Variants in MRPS28 observed in about 807,000 individuals in gnomAD.
The protein encoded by MRPS28 is mitochondrial ribosomal protein S28, also known as small ribosomal subunit protein bS1m.
In MRPS28, 7 loss-of-function variants were observed where a neutral mutation model predicts 10.8. That is an observed-to-expected ratio of 0.65 (90% CI 0.37 to 1.22). The LOEUF (loss-of-function observed/expected upper bound fraction) is 1.22. MRPS28 is among the 50% of genes most tolerant of loss of function. MRPS28 has a pLI of 0.02. For missense variants in MRPS28, 265 were observed against 232.9 expected (o/e 1.14, Z -0.90); for synonymous variants, 121 against 93.3 (o/e 1.30, Z -1.71).
intron 2 of MRPS28, among the ~76,000 whole-genome samples, chr8:79,988,167 C>T (rs1808248420): frequency 6.7e-6 from 1 of 149,434 alleles, no homozygotes; most frequent in Non-Finnish European, 1.5e-5. Flanking sequence ...TAAACTATCG[C>T]AAGAACAAAA....
intron 2 of MRPS28, among the ~76,000 whole-genome samples, chr8:79,937,642 A>T (rs28708535): frequency 0.021 from 3,218 of 152,302 alleles, 108 homozygotes; most frequent in African/African-American, 0.073. Context: ...CAAAATAATG[A>T]AGTTTTTATT....
intron 2 of MRPS28, among the ~76,000 whole-genome samples, chr8:79,921,415 C>A (rs1334126484): frequency 6.6e-6 from 1 of 151,838 alleles, no homozygotes; most frequent in African/African-American, 2.4e-5. Context: ...ATTCTTCCTA[C>A]CCATGAGCAT....
At chr8:79,948,673 CATGA>C (rs1229741299) in intron 2 of MRPS28, among the ~76,000 whole-genome samples, 3 of 152,102 alleles carry the variant, frequency 2.0e-5, no homozygotes, top group Non-Finnish European at 4.4e-5. Flanking sequence ...AATTGTTTCT[CATGA>C]ATGAACACTG....
intron 2 of MRPS28, among the ~76,000 whole-genome samples, chr8:79,961,539 A>G (rs1806386280): frequency 6.6e-6 from 1 of 152,156 alleles, no homozygotes; most frequent in South Asian, 2.1e-4. Context: ...TTTATAGGAA[A>G]ATAACACCAA....
intron 2 of MRPS28, among the ~76,000 whole-genome samples, chr8:79,968,577 C>T (rs1213276171): frequency 6.6e-6 from 1 of 152,142 alleles, no homozygotes; most frequent in Non-Finnish European, 1.5e-5. Context: ...CTAGTCTCAG[C>T]CCCTGCAACT....
chr8:80,000,404 A>G (rs1044440732), intron 2 of MRPS28, among the ~76,000 whole-genome samples: 4 of 152,200 alleles, frequency 2.6e-5, no homozygotes, highest in Non-Finnish European at 4.4e-5. Context: ...AGTACCTTTA[A>G]AAAGACTCTA....
intron 1 of MRPS28, among the ~76,000 whole-genome samples, chr8:80,011,165 A>C (rs1809036767): frequency 6.9e-6 from 1 of 144,864 alleles, no homozygotes; most frequent in Admixed American, 7.1e-5. Context: ...GCCATTCTTG[A>C]CAAGAGCAGC....
rs1216653623 is a variant in MRPS28, at chr8:79,919,145, T to C, written c.399A>G (p.Lys133=). Residue 133 remains lysine, a synonymous_variant, in exon 3 of 3, where the codon AAA becomes AAG. Transcript: ENST00000276585. ...VCRRPEVDGE[K]YQKGTRVRLR... is the part of the protein sequence containing the mutation. Reference sequence around the variant, plus strand: ...ACCGGACCCTGGTTCCTTTCTGGTATTTCCTAAATAGTTAAAAAAAAAAAA... The same window carrying C: ...ACCGGACCCTGGTTCCTTTCTGGTACTTCCTAAATAGTTAAAAAAAAAAAA... 3.8e-6 allele frequency: 6 copies of C among 1,566,806 alleles called. No individual in the cohort carries two copies. The highest frequency in any genetic ancestry group is 1.2e-5 in the South Asian group (1 of 83,152).
intron 1 of MRPS28, among the ~76,000 whole-genome samples, chr8:80,017,497 C>A (rs1053630602): frequency 6.6e-6 from 1 of 152,130 alleles, no homozygotes; most frequent in Non-Finnish European, 1.5e-5. Context: ...ATTTGATAAC[C>A]TAAATTAAAT....
intron 2 of MRPS28, among the ~76,000 whole-genome samples, chr8:79,993,812 C>T (rs918843426): frequency 9.9e-5 from 15 of 152,106 alleles, no homozygotes; most frequent in African/African-American, 3.6e-4. Context: ...ACCAATACAC[C>T]TTGAAAACTT....
Position 79,946,306 on chromosome 8 carries a change from C to T in MRPS28, c.396-27158G>A, listed in dbSNP as rs1371117690. On this transcript the variant is annotated intron_variant, in intron 2 of 2. Transcript: ENST00000276585. ...AATCATCCATCTGATAATCAGTACT[C>T]TTAAATAACTATTAATGTGTATATA... Among the ~76,000 whole-genome samples, 7 of 152,134 alleles carry T rather than the reference C, an allele frequency of 4.6e-5. No homozygotes were observed. In the South Asian group the frequency reaches 1.5e-3, roughly 32 times the overall value.
At chr8:80,007,152 C>G (rs950410857) in intron 1 of MRPS28, among the ~76,000 whole-genome samples, 6 of 152,162 alleles carry the variant, frequency 3.9e-5, no homozygotes, top group Admixed American at 2.6e-4. Flanking sequence ...AGCACATAAA[C>G]AGAACCAAAG....
At chr8:79,990,601 T>C (rs1026915959) in intron 2 of MRPS28, among the ~76,000 whole-genome samples, 2 of 149,560 alleles carry the variant, frequency 1.3e-5, no homozygotes, top group African/African-American at 5.0e-5. Context: ...CATGGAATCT[T>C]GACCACTGTG....
At chr8:79,947,133 T>C (rs972946211) in intron 2 of MRPS28, among the ~76,000 whole-genome samples, 2 of 152,158 alleles carry the variant, frequency 1.3e-5, no homozygotes, top group African/African-American at 2.4e-5. Flanking sequence ...AGTCTTTATA[T>C]ACGCAAGCAA....
chr8:79,946,810 GT>G (rs1466965197), intron 2 of MRPS28, among the ~76,000 whole-genome samples: 2 of 152,054 alleles, frequency 1.3e-5, no homozygotes, highest in African/African-American at 4.8e-5. Context: ...AATAACAAGC[GT>G]TTGTATTTTA....
At chr8:80,024,169 CAGTGAGCCA>C (rs1263958971) in intron 1 of MRPS28, among the ~76,000 whole-genome samples, 4 of 151,670 alleles carry the variant, frequency 2.6e-5, no homozygotes, top group Non-Finnish European at 5.9e-5. Context: ...AGAGAGGTTG[CAGTGAGCCA>C]AGTTTGCACC....
rs114476824 is a variant in MRPS28 at position 79,958,023 on chromosome 8, C to T, written c.396-38875G>A. On this transcript the variant is annotated intron_variant, in intron 2 of 2. Transcript: ENST00000276585. The stretch of plus-strand genomic sequence containing the variant: ...AACAGCTTTATTGAGATATAATTCA[C>T]ATATCATAAAATCTACCCAAAGTGT... 934 of 182,400 alleles carry T rather than the reference C, an allele frequency of 5.1e-3. 8 individuals are homozygous for T. The highest frequency in any genetic ancestry group is 0.021 in the African/African-American group (892 of 42,836). The allele number at this position is 182,400 out of a possible 1,614,324, so 11.3% of individuals were successfully genotyped here.
intron 2 of MRPS28, among the ~76,000 whole-genome samples, chr8:79,969,352 T>C (rs935325260): frequency 3.3e-5 from 5 of 152,168 alleles, no homozygotes; most frequent in Non-Finnish European, 7.3e-5. Flanking sequence ...AGACAACTAT[T>C]TGAATTTCAA....
At chr8:79,985,018 G>C (rs957602729) in intron 2 of MRPS28, among the ~76,000 whole-genome samples, 15 of 152,008 alleles carry the variant, frequency 9.9e-5, no homozygotes, top group East Asian at 1.9e-4. Context: ...TGACCACATA[G>C]TTGGAAGTAA....
Sources: allele counts gnomAD v4.1 joint callset (sites outside exome capture counted in the v4.1 genomes callset), GRCh38; gene constraint gnomAD v4.1.1; transcripts MANE v1.5; gene names NCBI Gene and HGNC (gene_info 2026-07-23, HGNC 2026-07-21).